The following PCYOX1L variants were observed in gnomAD, a reference collection of about 807,000 sequenced individuals.
PCYOX1L encodes prenylcysteine oxidase 1 like.
PCYOX1L carries 40 observed loss-of-function variants against 44.1 expected under a neutral mutation model. That is an observed-to-expected ratio of 0.91 (90% CI 0.70 to 1.18). The LOEUF is 1.18. PCYOX1L is among the 50% of genes most tolerant of loss of function. The pLI is 0.00. For missense variants in PCYOX1L, 605 were observed against 653.3 expected (o/e 0.93, Z 0.81); for synonymous variants, 266 against 282.8 (o/e 0.94, Z 0.60).
At chr5:149,364,280 G>A (rs1261238567) in intron 3 of PCYOX1L, 70 bp downstream of exon 3, 3 of 1,570,426 alleles carry the variant, frequency 1.9e-6, no homozygotes, top group East Asian at 2.3e-5. Flanking sequence ...GAACCAGCTT[G>A]CCTGTACTTT....
At chr5:149,363,038 G>A (rs1262459341) in intron 2 of PCYOX1L, 195 bp downstream of exon 2, 1 of 728,006 alleles carries the variant, frequency 1.4e-6, no homozygotes, top group Non-Finnish European at 2.4e-6. Context: ...GCAGAGCCGG[G>A]ATTAGAACTC....
At position 149,368,013 on chromosome 5, in the gene PCYOX1L, G is replaced by A. The variant is rs376768945; in HGVS notation, c.844G>A (p.Val282Met). Residue 282 changes from valine (V) to methionine (M), a missense_variant, in exon 6 of 6, where the codon GTG (valine) becomes ATG (methionine). Val to Met is a conservative substitution (Grantham distance 21). Coordinates refer to ENST00000274569, the MANE Select transcript of PCYOX1L (RefSeq NM_024028.4). ...TCCAGAGGGGAAAGCCCTGTACCAG[G>A]TGGCGTATGAGAATGAGGTAGGCAA... is the stretch of plus-strand genomic sequence containing the variant. ...HSTEGKALYQVAYENEVGNSS... is the reference protein window; with the variant it reads ...HSTEGKALYQMAYENEVGNSS... 1.0e-5 allele frequency: 16 copies of A among 1,542,774 alleles called. No individual in the cohort carries two copies. The Middle Eastern group carries it at 7.0e-4, about 68-fold the overall frequency.
At chr5:149,367,908 G>C (rs1439715430) in intron 5 of PCYOX1L, 85 bp from the exon 6 acceptor site, 19 of 1,414,246 alleles carry the variant, frequency 1.3e-5, no homozygotes, top group Non-Finnish European at 1.7e-5. Flanking sequence ...CCAGGGTCTC[G>C]TTGTACCTCA....
At position 149,368,793 on chromosome 5, in the gene PCYOX1L, A is replaced by C; in HGVS notation, c.*139A>C. On this transcript the variant is annotated 3_prime_UTR_variant, in exon 6 of 6. Transcript: ENST00000274569. ...TGTATCAAGCATCTCCAGGTGACCT[A>C]CTGTCTGCCTATATTAAGGGTCCAC... The C allele has an allele frequency of 1.2e-6, 1 of 808,786 alleles. No individual in the cohort carries two copies. The highest frequency in any genetic ancestry group is 1.7e-6 in the Non-Finnish European group (1 of 572,518). The allele number at this position is 808,786 out of a possible 1,614,324, so 50.1% of individuals were successfully genotyped here. A position where few individuals can be genotyped will look rare whatever the true frequency, so the allele number is the denominator to read the frequency against.
chr5:149,359,454 T>C (rs1757948213), intron 1 of PCYOX1L, among the ~76,000 whole-genome samples: 1 of 152,196 alleles, frequency 6.6e-6, no homozygotes, highest in Non-Finnish European at 1.5e-5. Flanking sequence ...GAGCCAGGCA[T>C]TGAAGGATGT....
chr5:149,361,225 A>G (rs1197359231), intron 1 of PCYOX1L, among the ~76,000 whole-genome samples: 2 of 152,224 alleles, frequency 1.3e-5, no homozygotes, highest in South Asian at 4.1e-4. Context: ...CCTGGGCAAC[A>G]TGGTGAAACC....
rs1290830388 is a variant in PCYOX1L at position 149,358,138 on chromosome 5, G to C, written c.70G>C (p.Ala24Pro). Residue 24 changes from alanine (A) to proline (P), a missense_variant, in exon 1 of 6, where the codon GCC (alanine) becomes CCC (proline). Coordinates refer to ENST00000274569, the MANE Select transcript of PCYOX1L (RefSeq NM_024028.4). ...LLAAAAAGGDAPPGKIAVVGA... is the reference protein window; with the variant it reads ...LLAAAAAGGDPPPGKIAVVGA... Reference sequence around the variant, plus strand: ...CGCCGCCGCCGCTGCTGGCGGAGATGCCCCGCCGGGCAAAATCGGTGCGGG... The same window carrying C: ...CGCCGCCGCCGCTGCTGGCGGAGATCCCCCGCCGGGCAAAATCGGTGCGGG... 25 of 1,458,478 alleles carry C rather than the reference G, an allele frequency of 1.7e-5. No homozygotes were observed. In the East Asian group the frequency reaches 7.6e-4, roughly 44 times the overall value. 90.3% of individuals were successfully genotyped at this position (1,458,478 alleles called of 1,614,324 possible).
chr5:149,366,660 G>C (rs1170873525), intron 4 of PCYOX1L, among the ~76,000 whole-genome samples: 1 of 152,216 alleles, frequency 6.6e-6, no homozygotes, highest in Non-Finnish European at 1.5e-5. Flanking sequence ...ACACAGAACA[G>C]TGCCTAAGTC....
chr5:149,361,561 TTG>T (rs1758009995), intron 1 of PCYOX1L, among the ~76,000 whole-genome samples: 1 of 152,234 alleles, frequency 6.6e-6, no homozygotes, highest in African/African-American at 2.4e-5. Flanking sequence ...AGCTGAAACT[TTG>T]TAACAAGATT....
Position 149,364,932 on chromosome 5 carries a change from A to C in PCYOX1L, c.470+722A>C, listed in dbSNP as rs1319706011. ...AAGCTGTCACTCCACCTTTCCCCAA[A>C]GTCCCTCCTGAAGGTGCTCCCTGCT... On this transcript the variant is annotated intron_variant, in intron 3 of 5. Coordinates refer to ENST00000274569, the MANE Select transcript of PCYOX1L (RefSeq NM_024028.4). 2.0e-5 allele frequency: 3 copies of C among 152,372 alleles called. No homozygotes were observed. The East Asian group carries it at 5.8e-4, about 29-fold the overall frequency. The allele number at this position is 152,372 out of a possible 1,614,324, so 9.4% of individuals were successfully genotyped here.
chr5:149,367,899 C>T (rs2127614638), intron 5 of PCYOX1L, 94 bp from the exon 6 acceptor site: 1 of 1,345,248 alleles, frequency 7.4e-7, no homozygotes, highest in Non-Finnish European at 1.0e-6. Context: ...CCCTGAGCAC[C>T]AGGGTCTCGT....
chr5:149,361,677 G>C (rs1319699057), intron 1 of PCYOX1L, among the ~76,000 whole-genome samples: 1 of 152,134 alleles, frequency 6.6e-6, no homozygotes, highest in Non-Finnish European at 1.5e-5. Flanking sequence ...TTCCCAGGCT[G>C]GAGTGCAATG....
chr5:149,363,552 C>T, intron 2 of PCYOX1L: 1 of 218,978 alleles, frequency 4.6e-6, no homozygotes, highest in South Asian at 7.6e-5. Context: ...ACAGGGCAAT[C>T]TCCAAGATAC....
Position 149,358,112 on chromosome 5 carries a change from TCGC to T in PCYOX1L, c.54_56del (p.Ala20del), listed in dbSNP as rs1329786484. 27 of 1,452,526 alleles carry T rather than the reference TCGC, an allele frequency of 1.9e-5. No homozygotes were observed. Among genetic ancestry groups the T allele is most frequent in the South Asian group, 4.0e-5 (3 of 74,762 alleles). The allele number at this position is 1,452,526 out of a possible 1,614,324, so 90.0% of individuals were successfully genotyped here. ...CTGCTCGCCGCGTTGACCGCGCTCC[TCGC>T]CGCCGCCGCTGCTGGCGGAGATGCC... is the stretch of plus-strand genomic sequence containing the variant. On this transcript the variant is annotated inframe_deletion, in exon 1 of 6. Coordinates refer to ENST00000274569, the MANE Select transcript of PCYOX1L (RefSeq NM_024028.4).
intron 1 of PCYOX1L, 22 bp downstream of exon 1, chr5:149,358,178 G>A (rs1423968734): frequency 4.9e-6 from 7 of 1,430,806 alleles, no homozygotes; most frequent in Non-Finnish European, 5.5e-6. Flanking sequence ...ACGCGGTGGG[G>A]TTCCCAGCTG....
At position 149,362,776 on chromosome 5, in the gene PCYOX1L, C is replaced by T; in HGVS notation, c.228C>T (p.His76=). 4 of 1,614,172 alleles carry T rather than the reference C, an allele frequency of 2.5e-6. No individual in the cohort carries two copies. The highest frequency in any genetic ancestry group is 1.3e-5 in the African/African-American group (1 of 75,068). Reference sequence around the variant, plus strand: ...CCACCATCTCAGTCAACAAGCAGCACTATGAGAGCGGGGCTGCCTCCTTCC... The same window carrying T: ...CCACCATCTCAGTCAACAAGCAGCATTATGAGAGCGGGGCTGCCTCCTTCC... ...RLATISVNKQ[H]YESGAASFHS... The change falls in exon 2 of 6, where the codon CAC becomes CAT. Residue 76 remains histidine, a synonymous_variant. Transcript: ENST00000274569.
chr5:149,366,909 C>T (rs746727917), intron 4 of PCYOX1L, among the ~76,000 whole-genome samples: 3 of 152,102 alleles, frequency 2.0e-5, no homozygotes, highest in South Asian at 2.1e-4. Context: ...CCATATAATT[C>T]GCCCATTTAA....
Position 149,365,772 on chromosome 5 carries a change from G to A in PCYOX1L, c.471-170G>A, listed in dbSNP as rs190207699. 106 of 633,528 alleles carry A rather than the reference G, an allele frequency of 1.7e-4. 1 individual carries two copies. In the Admixed American group the frequency reaches 2.2e-3, roughly 13 times the overall value. 39.2% of individuals were successfully genotyped at this position (633,528 alleles called of 1,614,324 possible). A position where few individuals can be genotyped will look rare whatever the true frequency, so the allele number is the denominator to read the frequency against. On this transcript the variant is annotated intron_variant, in intron 3 of 5. Coordinates refer to ENST00000274569, the MANE Select transcript of PCYOX1L (RefSeq NM_024028.4). Reference sequence around the variant, plus strand: ...CACTCCCTTTAGGTGGGACAGGCCCGCCACAGTCAGAGAACAGGTGCCAGG... The same window carrying A: ...CACTCCCTTTAGGTGGGACAGGCCCACCACAGTCAGAGAACAGGTGCCAGG...
intron 5 of PCYOX1L, 99 bp downstream of exon 5, chr5:149,367,599 T>C: frequency 6.7e-7 from 1 of 1,491,580 alleles, no homozygotes; most frequent in South Asian, 1.3e-5. Context: ...GTGATCCCCC[T>C]GGGGAGTATT....
Sources: allele counts gnomAD v4.1 joint callset (sites outside exome capture counted in the v4.1 genomes callset), GRCh38; gene constraint gnomAD v4.1.1; transcripts MANE v1.5; gene names NCBI Gene and HGNC (gene_info 2026-07-23, HGNC 2026-07-21).